The following UMAD1 variants were observed in gnomAD, a reference collection of about 807,000 sequenced individuals.
UMAD1 encodes UBAP1-MVB12-associated (UMA)-domain containing protein 1.
UMAD1 carries 8 observed loss-of-function variants against 6.1 expected under a neutral mutation model. The observed-to-expected ratio is 1.30, with a 90% CI of 0.76 to 2.35. The LOEUF is 2.35. Ranked by LOEUF, UMAD1 falls within the 30% of genes most tolerant of loss-of-function variation. UMAD1 has a pLI of 0.00. For synonymous variants in UMAD1, 56 were observed against 31.4 expected, an observed-to-expected ratio of 1.78 and a Z score of -2.61; for missense variants, 130 against 78.4, an observed-to-expected ratio of 1.66 and a Z score of -2.49.
chr7:7,759,742 G>A (rs115751675), intron 2 of UMAD1, among the ~76,000 whole-genome samples: 236 of 152,142 alleles, frequency 1.6e-3, no homozygotes, highest in African/African-American at 5.1e-3. Flanking sequence ...CATGCTTGTA[G>A]GGAAGAAGGA....
intron 1 of UMAD1, among the ~76,000 whole-genome samples, chr7:7,667,375 G>A (rs889639658): frequency 1.3e-5 from 2 of 152,184 alleles, no homozygotes; most frequent in Non-Finnish European, 2.9e-5. Flanking sequence ...CAGCTGTCAA[G>A]GCCATGCATA....
At chr7:7,658,583 C>G (rs1785400611) in intron 1 of UMAD1, among the ~76,000 whole-genome samples, 1 of 152,102 alleles carries the variant, frequency 6.6e-6, no homozygotes, top group Non-Finnish European at 1.5e-5. Flanking sequence ...TGGTTTTTGT[C>G]ATTGACTCTG....
At chr7:7,770,295 C>T (rs1232575844) in intron 2 of UMAD1, among the ~76,000 whole-genome samples, 1 of 152,188 alleles carries the variant, frequency 6.6e-6, no homozygotes, top group African/African-American at 2.4e-5. Flanking sequence ...AAGCCATCCC[C>T]TCCTCCAGGG....
At position 7,801,735 on chromosome 7, in the gene UMAD1, C is replaced by T. The variant is rs201796360; in HGVS notation, c.148C>T (p.Pro50Ser). The change falls in exon 3 of 4, where the codon CCT (proline) becomes TCT (serine). Residue 50 changes from proline (P) to serine (S), a missense_variant. Transcript: ENST00000682710. ...AACTTCGGACATAGAGGCCAACCAA[C>T]CTTTGGAGGTAAGTGAAACAGAGTA... ...GKTSDIEANQ[P>S]LETNKENSSS... 2 of 717,938 alleles carry T rather than the reference C, an allele frequency of 2.8e-6. No homozygotes were observed. Among genetic ancestry groups the T allele is most frequent in the Non-Finnish European group, 5.2e-6 (2 of 385,176 alleles). The allele number at this position is 717,938 out of a possible 1,614,324, so 44.5% of individuals were successfully genotyped here.
At chr7:7,829,246 A>G (rs776768446) in intron 3 of UMAD1, among the ~76,000 whole-genome samples, 5 of 152,006 alleles carry the variant, frequency 3.3e-5, no homozygotes, top group Non-Finnish European at 5.9e-5. Flanking sequence ...TTAAATTGTT[A>G]CTGAATGAGC....
At chr7:7,755,779 A>C (rs1439025182) in intron 2 of UMAD1, among the ~76,000 whole-genome samples, 1 of 152,244 alleles carries the variant, frequency 6.6e-6, no homozygotes, top group Non-Finnish European at 1.5e-5. Flanking sequence ...CTAAGTACGT[A>C]TGTAATGTTA....
intron 3 of UMAD1, chr7:7,868,636 G>T (rs1209962155): frequency 6.6e-6 from 1 of 151,994 alleles, no homozygotes; most frequent in Admixed American, 6.6e-5. Context: ...CAGAGACTAG[G>T]AAAGGAACAG....
intron 2 of UMAD1, among the ~76,000 whole-genome samples, chr7:7,782,247 G>A (rs1284311709): frequency 3.3e-5 from 5 of 151,608 alleles, no homozygotes; most frequent in Admixed American, 2.0e-4. Context: ...ATAAATAAGG[G>A]AAAAAATAAA....
intron 2 of UMAD1, among the ~76,000 whole-genome samples, chr7:7,792,725 T>C (rs1235304159): frequency 1.3e-5 from 2 of 152,160 alleles, no homozygotes; most frequent in African/African-American, 4.8e-5. Context: ...TATAACAAAA[T>C]ACCATAAACC....
At chr7:7,760,617 G>A (rs1223117880) in intron 2 of UMAD1, among the ~76,000 whole-genome samples, 1 of 151,978 alleles carries the variant, frequency 6.6e-6, no homozygotes, top group East Asian at 1.9e-4. Flanking sequence ...AGCACTTATG[G>A]CAGGAAGACT....
intron 2 of UMAD1, among the ~76,000 whole-genome samples, chr7:7,766,171 G>A (rs1298846426): frequency 6.6e-6 from 1 of 152,150 alleles, no homozygotes; most frequent in Non-Finnish European, 1.5e-5. Context: ...CTTGTCAATA[G>A]CAGCAAAATT....
At chr7:7,811,177 A>G (rs1241468047) in intron 3 of UMAD1, among the ~76,000 whole-genome samples, 1 of 152,140 alleles carries the variant, frequency 6.6e-6, no homozygotes, top group Non-Finnish European at 1.5e-5. Context: ...TAATTTAAAG[A>G]TATGAATTTC....
intron 2 of UMAD1, among the ~76,000 whole-genome samples, chr7:7,717,016 G>C (rs182779302): frequency 2.0e-5 from 3 of 151,874 alleles, no homozygotes; most frequent in Admixed American, 6.6e-5. Context: ...TCTGCACGAG[G>C]GAGCTTTCCT....
intron 3 of UMAD1, among the ~76,000 whole-genome samples, chr7:7,812,556 A>G (rs962490178): frequency 1.3e-5 from 2 of 152,170 alleles, no homozygotes; most frequent in African/African-American, 2.4e-5. Flanking sequence ...TGTGTTAATT[A>G]TATATATTTA....
intron 2 of UMAD1, chr7:7,738,471 GT>G (rs975016211): frequency 1.3e-5 from 2 of 152,234 alleles, no homozygotes; most frequent in African/African-American, 4.8e-5. Flanking sequence ...GGACTAAGTT[GT>G]TGCATTAATA....
At chr7:7,818,752 G>C (rs1352435754) in intron 3 of UMAD1, among the ~76,000 whole-genome samples, 2 of 152,170 alleles carry the variant, frequency 1.3e-5, no homozygotes, top group Non-Finnish European at 2.9e-5. Context: ...CAAAGACATG[G>C]AATCAACCTC....
At chr7:7,743,702 A>AC (rs1554322565) in intron 2 of UMAD1, among the ~76,000 whole-genome samples, 13 of 35,942 alleles carry the variant, frequency 3.6e-4, no homozygotes, top group African/African-American at 2.4e-3. Context: ...GTATATGTAT[A>AC]ATATATATTA....
At chr7:7,834,369 ATT>A (rs1375432255) in intron 3 of UMAD1, among the ~76,000 whole-genome samples, 2 of 151,964 alleles carry the variant, frequency 1.3e-5, no homozygotes, top group African/African-American at 2.4e-5. Flanking sequence ...TCATCCATAA[ATT>A]TCCTATCCTA....
At chr7:7,682,822 AG>A (rs2115124416) in intron 2 of UMAD1, among the ~76,000 whole-genome samples, 1 of 152,342 alleles carries the variant, frequency 6.6e-6, no homozygotes. Flanking sequence ...TAAATTGCAA[AG>A]CAAGTATGCC....
Sources: allele counts gnomAD v4.1 joint callset (sites outside exome capture counted in the v4.1 genomes callset), GRCh38; gene constraint gnomAD v4.1.1; transcripts MANE v1.5; gene names NCBI Gene and HGNC (gene_info 2026-07-23, HGNC 2026-07-21).